CTTNBP2: variants seen among roughly 807,000 people sequenced by gnomAD.
CTTNBP2 encodes cortactin binding protein 2.
Under a neutral mutation model 156.9 loss-of-function variants are expected in CTTNBP2, and 108 were observed. The observed-to-expected ratio is 0.69, with a 90% CI of 0.59 to 0.81. The LOEUF is 0.81. Ranked by LOEUF, CTTNBP2 falls within the 30% of genes least tolerant of loss-of-function variation. The pLI is 0.00. For missense variants in CTTNBP2, 1,924 were observed against 2,035.4 expected (o/e 0.95, Z 1.05); for synonymous variants, 767 against 751.8 (o/e 1.02, Z -0.33).
chr7:117,841,714 A>G (rs1802289054), intron 2 of CTTNBP2, among the ~76,000 whole-genome samples: 1 of 152,262 alleles, frequency 6.6e-6, no homozygotes, highest in African/African-American at 2.4e-5. Flanking sequence ...AGGGGAATTA[A>G]ATAGGCATGA....
chr7:117,761,336 G>A (rs1052760605), intron 9 of CTTNBP2, among the ~76,000 whole-genome samples: 1 of 152,188 alleles, frequency 6.6e-6, no homozygotes, highest in Non-Finnish European at 1.5e-5. Flanking sequence ...TTTGATAAAT[G>A]GTTAACAGGG....
At chr7:117,723,882 A>G (rs1794941069) in intron 19 of CTTNBP2, among the ~76,000 whole-genome samples, 1 of 151,340 alleles carries the variant, frequency 6.6e-6, no homozygotes, top group Non-Finnish European at 1.5e-5. Context: ...GCTCCTGAGT[A>G]GCTGGGATTA....
At position 117,745,896 on chromosome 7, in the gene CTTNBP2, A is replaced by C. The variant is rs748714410; in HGVS notation, c.3470T>G (p.Ile1157Arg). 2 of 1,614,134 alleles carry C rather than the reference A, an allele frequency of 1.2e-6. No homozygotes were observed. The highest frequency in any genetic ancestry group is 2.2e-5 in the South Asian group (2 of 91,090). The change falls in exon 14 of 23, where the codon ATA becomes AGA. Residue 1157 changes from isoleucine (I) to arginine (R), a missense_variant. Ile to Arg is a moderately conservative substitution (Grantham distance 97, BLOSUM62 -3). Coordinates refer to ENST00000160373, the MANE Select transcript of CTTNBP2 (RefSeq NM_033427.3). The part of the protein sequence containing the change: ...RQMAAGFSCE[I>R]VRAEVDAGFS... ...ACCAGCATCTACTTCAGCTCTCACT[A>C]TTTCACAGGAGAATCCTGCAGCCAT... is the stretch of plus-strand genomic sequence containing the variant.
At chr7:117,794,007 C>A (rs928396783) in intron 3 of CTTNBP2, among the ~76,000 whole-genome samples, 1 of 152,218 alleles carries the variant, frequency 6.6e-6, no homozygotes, top group Non-Finnish European at 1.5e-5. Context: ...CCTGCACCCC[C>A]CCTCACCCCA....
At chr7:117,820,566 A>G (rs1274314748) in intron 2 of CTTNBP2, among the ~76,000 whole-genome samples, 1 of 152,224 alleles carries the variant, frequency 6.6e-6, no homozygotes, top group African/African-American at 2.4e-5. Context: ...TGTTAGAAAT[A>G]AAGGGTTGAT....
At chr7:117,868,418 T>C (rs1480463849) in intron 1 of CTTNBP2, among the ~76,000 whole-genome samples, 5 of 152,226 alleles carry the variant, frequency 3.3e-5, no homozygotes, top group African/African-American at 9.6e-5. Flanking sequence ...TCGACTACTC[T>C]ACATTTACTA....
chr7:117,755,124 G>A (rs575263019), intron 12 of CTTNBP2, among the ~76,000 whole-genome samples: 1 of 152,236 alleles, frequency 6.6e-6, no homozygotes, highest in Non-Finnish European at 1.5e-5. Context: ...TCCCATCACA[G>A]GCATACTTTC....
chr7:117,782,746 A>G, intron 6 of CTTNBP2, 116 bp downstream of exon 6: 1 of 642,380 alleles, frequency 1.6e-6, no homozygotes, highest in Non-Finnish European at 2.7e-6. Flanking sequence ...TAGTGAATTT[A>G]TTTGCCAGTG....
At chr7:117,749,622 G>A (rs1021929594) in intron 12 of CTTNBP2, among the ~76,000 whole-genome samples, 3 of 152,134 alleles carry the variant, frequency 2.0e-5, no homozygotes, top group African/African-American at 7.2e-5. Flanking sequence ...CCTGGGAGTG[G>A]AGAAGAATAT....
chr7:117,858,898 A>G (rs1233799128), intron 2 of CTTNBP2, among the ~76,000 whole-genome samples: 1 of 152,100 alleles, frequency 6.6e-6, no homozygotes, highest in Non-Finnish European at 1.5e-5. Context: ...CACCCACCAC[A>G]AATCTGCTGA....
At chr7:117,844,363 A>G (rs1802452767) in intron 2 of CTTNBP2, among the ~76,000 whole-genome samples, 1 of 152,170 alleles carries the variant, frequency 6.6e-6, no homozygotes, top group South Asian at 2.1e-4. Flanking sequence ...GTAAGTGGAG[A>G]TGGGGTGAAG....
chr7:117,847,607 A>G (rs962784382), intron 2 of CTTNBP2, among the ~76,000 whole-genome samples: 2 of 152,204 alleles, frequency 1.3e-5, no homozygotes, highest in Non-Finnish European at 1.5e-5. Context: ...GCTATAGAAA[A>G]ATATTGTTCA....
In CTTNBP2 at chr7:117,725,075, T is replaced by C. The variant is rs1795016524; in HGVS notation, c.4238A>G (p.His1413Arg). ...LSILLNKAVL[H>R]GCPLPRAELD... Reference sequence around the variant, plus strand: ...ACCTGCTCTGGGGAGGGGACAGCCATGCAGTACAGCTTTATTTAGCAAGAT... The same window carrying C: ...ACCTGCTCTGGGGAGGGGACAGCCACGCAGTACAGCTTTATTTAGCAAGAT... Residue 1413 changes from histidine (H) to arginine (R), a missense_variant, in exon 18 of 23, where the codon CAT becomes CGT. Physicochemically the swap from His to Arg is conservative, Grantham distance 29. Coordinates refer to ENST00000160373, the MANE Select transcript of CTTNBP2 (RefSeq NM_033427.3). 6.2e-7 allele frequency: 1 copy of C among 1,612,612 alleles called. No homozygotes were observed. The highest frequency in any genetic ancestry group is 8.5e-7 in the Non-Finnish European group (1 of 1,180,030).
intron 4 of CTTNBP2, among the ~76,000 whole-genome samples, chr7:117,789,207 C>T (rs1798861161): frequency 6.6e-6 from 1 of 152,134 alleles, no homozygotes; most frequent in Non-Finnish European, 1.5e-5. Context: ...AGTCATAGAT[C>T]CTGGTTTTAA....
At chr7:117,732,448 A>T (rs1250432058) in intron 16 of CTTNBP2, among the ~76,000 whole-genome samples, 1 of 151,866 alleles carries the variant, frequency 6.6e-6, no homozygotes, top group South Asian at 2.1e-4. Flanking sequence ...CAGGAGATCG[A>T]GACCATCCTG....
intron 2 of CTTNBP2, among the ~76,000 whole-genome samples, chr7:117,845,447 G>A (rs776388678): frequency 2.6e-5 from 4 of 152,098 alleles, no homozygotes; most frequent in Non-Finnish European, 5.9e-5. Context: ...TCTGAGTGAT[G>A]GGAAAATTTC....
intron 2 of CTTNBP2, among the ~76,000 whole-genome samples, chr7:117,827,912 C>T (rs937124687): frequency 3.9e-5 from 6 of 152,154 alleles, no homozygotes; most frequent in African/African-American, 9.7e-5. Flanking sequence ...ACATTAAGAG[C>T]GAATGGTGGG....
At chr7:117,724,515 T>C in intron 19 of CTTNBP2, 32 bp downstream of exon 19, 1 of 1,557,868 alleles carries the variant, frequency 6.4e-7, no homozygotes, top group South Asian at 1.2e-5. Context: ...GTCCACCTCC[T>C]GGTAGGCAAC....
intron 12 of CTTNBP2, among the ~76,000 whole-genome samples, chr7:117,746,793 T>C (rs926385250): frequency 6.6e-6 from 1 of 152,182 alleles, no homozygotes; most frequent in Non-Finnish European, 1.5e-5. Context: ...TTTAAAGAAA[T>C]CTAGGTAGAG....
Sources: allele counts gnomAD v4.1 joint callset (sites outside exome capture counted in the v4.1 genomes callset), GRCh38; gene constraint gnomAD v4.1.1; transcripts MANE v1.5; gene names NCBI Gene and HGNC (gene_info 2026-07-23, HGNC 2026-07-21).